SORCS2: variants seen among roughly 807,000 people sequenced by gnomAD.
The protein encoded by SORCS2 is sortilin related VPS10 domain containing receptor 2.
SORCS2 carries 100 observed loss-of-function variants against 141.6 expected under a neutral mutation model. The observed-to-expected ratio is 0.71, with a 90% confidence interval of 0.60 to 0.83. The LOEUF is 0.83. Among genes scored for constraint, SORCS2 ranks in the 40% least tolerant of loss-of-function variants. SORCS2 has a pLI of 0.00. For missense variants in SORCS2, 1,646 were observed against 1,560.2 expected (o/e 1.05, Z -0.93); for synonymous variants, 789 against 676.9 (o/e 1.17, Z -2.57).
intron 2 of SORCS2, among the ~76,000 whole-genome samples, chr4:7,502,040 C>T (rs991140847): frequency 3.3e-5 from 5 of 152,154 alleles, no homozygotes; most frequent in Non-Finnish European, 7.3e-5. Flanking sequence ...TCTGTTCAAC[C>T]AAGGCTTCCT....
chr4:7,318,071 G>C (rs536649379), intron 1 of SORCS2, among the ~76,000 whole-genome samples: 29 of 152,314 alleles, frequency 1.9e-4, no homozygotes, highest in South Asian at 1.2e-3. Flanking sequence ...CGTGCAAGGT[G>C]ATACAGCAGC....
intron 2 of SORCS2, among the ~76,000 whole-genome samples, chr4:7,455,423 G>A (rs1728830608): frequency 7.5e-6 from 1 of 134,152 alleles, no homozygotes; most frequent in Non-Finnish European, 1.6e-5. Flanking sequence ...CTGTGTTGGG[G>A]TCAGTGCTGT....
intron 1 of SORCS2, among the ~76,000 whole-genome samples, chr4:7,394,434 G>A (rs1271504229): frequency 7.0e-6 from 1 of 143,608 alleles, no homozygotes. Flanking sequence ...GGGGCATTGA[G>A]CCCAGTGTCG....
intron 1 of SORCS2, among the ~76,000 whole-genome samples, chr4:7,284,339 C>T (rs1716074544): frequency 6.6e-6 from 1 of 152,192 alleles, no homozygotes. Flanking sequence ...CCTGCACACC[C>T]ACTGCTTGGC....
At chr4:7,425,235 T>TCCA (rs1726349764) in intron 2 of SORCS2, among the ~76,000 whole-genome samples, 1 of 152,220 alleles carries the variant, frequency 6.6e-6, no homozygotes, top group Non-Finnish European at 1.5e-5. Context: ...CCTTGATCGC[T>TCCA]GTGGGGTGAC....
At chr4:7,541,614 C>T (rs933982361) in intron 3 of SORCS2, among the ~76,000 whole-genome samples, 1 of 152,214 alleles carries the variant, frequency 6.6e-6, no homozygotes, top group African/African-American at 2.4e-5. Flanking sequence ...GCCTCTCCCT[C>T]AAGTGGTCTG....
chr4:7,721,635 T>G (rs1255288021), intron 18 of SORCS2, among the ~76,000 whole-genome samples: 1 of 152,122 alleles, frequency 6.6e-6, no homozygotes, highest in Non-Finnish European at 1.5e-5. Context: ...GTTATAGAAA[T>G]GGAGAAAGAC....
intron 2 of SORCS2, among the ~76,000 whole-genome samples, chr4:7,397,447 T>C (rs1313405472): frequency 2.6e-5 from 4 of 151,938 alleles, no homozygotes; most frequent in Admixed American, 6.6e-5. Flanking sequence ...AAAAACGCTT[T>C]TCCTAGAAGC....
intron 1 of SORCS2, among the ~76,000 whole-genome samples, chr4:7,306,194 C>A (rs1455206534): frequency 1.3e-5 from 2 of 152,190 alleles, no homozygotes; most frequent in Non-Finnish European, 2.9e-5. Context: ...GCGGTGGGCA[C>A]TGGGGGCACA....
At chr4:7,295,389 G>A (rs1716976269) in intron 1 of SORCS2, among the ~76,000 whole-genome samples, 1 of 151,810 alleles carries the variant, frequency 6.6e-6, no homozygotes, top group Non-Finnish European at 1.5e-5. Flanking sequence ...CTGCCGGCCG[G>A]CCGGGTGCGT....
At chr4:7,335,898 C>A (rs1315041589) in intron 1 of SORCS2, among the ~76,000 whole-genome samples, 1 of 152,214 alleles carries the variant, frequency 6.6e-6, no homozygotes, top group Non-Finnish European at 1.5e-5. Context: ...CTTGGCAGGG[C>A]CTACCGGTGA....
chr4:7,617,016 A>T (rs1718807437), intron 3 of SORCS2, among the ~76,000 whole-genome samples: 2 of 152,146 alleles, frequency 1.3e-5, no homozygotes, highest in South Asian at 4.1e-4. Flanking sequence ...TTCTCTCCAC[A>T]CCAAAGGTGA....
At chr4:7,599,164 G>A (rs1577816428) in intron 3 of SORCS2, among the ~76,000 whole-genome samples, 2 of 86,498 alleles carry the variant, frequency 2.3e-5, no homozygotes, top group African/African-American at 4.5e-5. Flanking sequence ...CAAGACGGCG[G>A]CCCCAGCTCA....
In SORCS2 at chr4:7,667,174, A is replaced by T. The variant is rs773012106; in HGVS notation, c.1122A>T (p.Glu374Asp). The T allele has an allele frequency of 6.2e-7, 1 of 1,613,900 alleles. No homozygotes were observed. Among genetic ancestry groups the T allele is most frequent in the Non-Finnish European group, 8.5e-7 (1 of 1,179,780 alleles). The change falls in exon 8 of 27, where the codon GAA (glutamate) becomes GAT (aspartate). Residue 374 changes from glutamate (E) to aspartate (D), a missense_variant. Physicochemically the swap from Glu to Asp is conservative, Grantham distance 45 (BLOSUM62 2). Transcript: ENST00000507866. ...TKYYVSYRRN[E>D]FVLMKLPKYA... ...ACTACGTCTCTTATCGTCGAAATGA[A>T]TTTGTCCTGATGAAGCTGCCGAAGT...
chr4:7,608,484 G>A (rs146650463), intron 3 of SORCS2, among the ~76,000 whole-genome samples: 2 of 152,306 alleles, frequency 1.3e-5, no homozygotes, highest in Non-Finnish European at 2.9e-5. Flanking sequence ...GACAACACCT[G>A]GCATGTAGCT....
At chr4:7,638,549 C>T in intron 4 of SORCS2, 57 bp downstream of exon 4, 1 of 1,537,964 alleles carries the variant, frequency 6.5e-7, no homozygotes, top group East Asian at 2.4e-5. Context: ...GCTCGACCCA[C>T]CTGGAGGTGA....
chr4:7,646,244 G>T (rs1294716609), intron 4 of SORCS2, among the ~76,000 whole-genome samples: 1 of 152,238 alleles, frequency 6.6e-6, no homozygotes, highest in Non-Finnish European at 1.5e-5. Context: ...GCAGGCTGGG[G>T]ACAGTGCCGC....
intron 1 of SORCS2, among the ~76,000 whole-genome samples, chr4:7,340,990 A>G (rs1236200298): frequency 1.3e-5 from 2 of 152,198 alleles, no homozygotes; most frequent in Non-Finnish European, 2.9e-5. Flanking sequence ...AGCAGCTGGA[A>G]CAAACCCTGC....
At chr4:7,454,549 A>T in intron 2 of SORCS2, among the ~76,000 whole-genome samples, 1 of 109,978 alleles carries the variant, frequency 9.1e-6, no homozygotes, top group African/African-American at 3.7e-5. Flanking sequence ...TGTTGGGGTC[A>T]GGCACTGTGT....
Sources: gnomAD v4.1 joint callset for allele counts (sites outside exome capture counted in the v4.1 genomes callset) on GRCh38, gnomAD v4.1.1 for gene constraint, MANE v1.5 for transcripts, NCBI Gene and HGNC (gene_info 2026-07-23, HGNC 2026-07-21) for gene names.